Variants in LIPI observed in about 807,000 individuals in gnomAD.
The protein encoded by LIPI is lipase member I.
In LIPI, 59 loss-of-function variants were observed where a neutral mutation model predicts 50.6. That is an observed-to-expected ratio of 1.16 (90% CI 0.94 to 1.45). LIPI has a LOEUF of 1.45. LIPI is among the 40% of genes most tolerant of loss of function. The probability of loss-of-function intolerance (pLI) is 0.00; values close to 1 mark genes in which losing one functional copy is unlikely to be tolerated. For synonymous variants in LIPI, 203 were observed against 178.2 expected (o/e 1.14, Z -1.11); for missense variants, 586 against 536.3 (o/e 1.09, Z -0.92).
rs188533097 is a variant in LIPI at position 14,162,128 on chromosome 21, A to C, written c.1006+1291T>G. On this transcript the variant is annotated intron_variant, in intron 7 of 9. Transcript: ENST00000681601. The stretch of plus-strand genomic sequence containing the variant: ...ATATCATATCTCTGGATATATTACT[A>C]TGGAATACTACTCAGCCACTAAAAG... Among the ~76,000 whole-genome samples the C allele has an allele frequency of 2.2e-3, 326 of 150,742 alleles. 1 individual carries two copies. The highest frequency in any genetic ancestry group is 6.8e-3 in the Middle Eastern group (2 of 292).
At chr21:14,170,985 T>A (rs2018880207) in intron 4 of LIPI, among the ~76,000 whole-genome samples, 1 of 151,402 alleles carries the variant, frequency 6.6e-6, no homozygotes, top group Non-Finnish European at 1.5e-5. Context: ...CAGCCCAAAA[T>A]CTCCTTAAGC....
intron 9 of LIPI, among the ~76,000 whole-genome samples, chr21:14,143,234 A>G (rs1313471547): frequency 6.6e-6 from 1 of 152,158 alleles, no homozygotes; most frequent in African/African-American, 2.4e-5. Context: ...CCTTCAAGGC[A>G]TGATCCCTCC....
At chr21:14,143,687 C>G (rs2017796088) in intron 9 of LIPI, 1 of 152,084 alleles carries the variant, frequency 6.6e-6, no homozygotes, top group Non-Finnish European at 1.5e-5. Context: ...GTTTGGACAA[C>G]TCACACATGC....
chr21:14,142,292 T>G (rs888650604), intron 9 of LIPI, among the ~76,000 whole-genome samples: 2 of 151,674 alleles, frequency 1.3e-5, no homozygotes, highest in Admixed American at 6.6e-5. Flanking sequence ...TGCACATGTA[T>G]CCCAAAACTT....
chr21:14,202,083 T>C (rs2020074531), intron 1 of LIPI, among the ~76,000 whole-genome samples: 2 of 152,138 alleles, frequency 1.3e-5, no homozygotes, highest in Admixed American at 1.3e-4. Flanking sequence ...CCATTCACAA[T>C]TGCTTCAAAG....
At chr21:14,153,847 C>A (rs1240641252) in intron 7 of LIPI, among the ~76,000 whole-genome samples, 1 of 152,146 alleles carries the variant, frequency 6.6e-6, no homozygotes, top group Non-Finnish European at 1.5e-5. Context: ...TTTTTTCAGT[C>A]TGGGTCTTAC....
chr21:14,124,739 G>T (rs982018284), intron 9 of LIPI, among the ~76,000 whole-genome samples: 1 of 152,192 alleles, frequency 6.6e-6, no homozygotes, highest in Admixed American at 6.5e-5. Context: ...ACTAAGCCAG[G>T]TGATCATCTT....
At chr21:14,140,263 T>C (rs991475731) in intron 9 of LIPI, among the ~76,000 whole-genome samples, 1 of 152,126 alleles carries the variant, frequency 6.6e-6, no homozygotes, top group African/African-American at 2.4e-5. Context: ...ACAAAGAGAT[T>C]TCATGATTGG....
chr21:14,135,364 AG>A (rs2017453530), intron 9 of LIPI, among the ~76,000 whole-genome samples: 4 of 152,216 alleles, frequency 2.6e-5, no homozygotes, highest in African/African-American at 9.6e-5. Context: ...GAGCACTCAT[AG>A]TACCTAGTTT....
At chr21:14,194,623 G>T (rs1298762990) in intron 1 of LIPI, among the ~76,000 whole-genome samples, 4 of 147,188 alleles carry the variant, frequency 2.7e-5, no homozygotes, top group African/African-American at 9.7e-5. Context: ...AAGTAGGATT[G>T]TGGTTGCCCT....
At chr21:14,115,218 C>T (rs11701819) in intron 9 of LIPI, among the ~76,000 whole-genome samples, 27,030 of 152,108 alleles carry the variant, frequency 0.18, 3,127 homozygotes, top group Non-Finnish European at 0.25. Context: ...TGAGGCTCAG[C>T]GAGTTCCTGC....
At chr21:14,121,954 C>T (rs1019483530) in intron 9 of LIPI, among the ~76,000 whole-genome samples, 3 of 152,188 alleles carry the variant, frequency 2.0e-5, no homozygotes, top group African/African-American at 7.2e-5. Context: ...GACTAGTCTA[C>T]GCATGGCTGA....
intron 4 of LIPI, among the ~76,000 whole-genome samples, chr21:14,174,985 T>C (rs1030053560): frequency 3.9e-5 from 6 of 152,204 alleles, no homozygotes; most frequent in African/African-American, 1.4e-4. Flanking sequence ...TATTAGTATG[T>C]TTGTGCTATC....
chr21:14,112,754 AG>A (rs1474077342), intron 9 of LIPI, among the ~76,000 whole-genome samples: 1 of 152,130 alleles, frequency 6.6e-6, no homozygotes, highest in Non-Finnish European at 1.5e-5. Flanking sequence ...TTTTCTCACC[AG>A]GCAATATATT....
intron 4 of LIPI, among the ~76,000 whole-genome samples, chr21:14,168,140 GAAGC>G (rs1188367407): frequency 6.6e-6 from 1 of 152,104 alleles, no homozygotes; most frequent in Non-Finnish European, 1.5e-5. Context: ...ATGAATGAAT[GAAGC>G]AAGAAGGGAA....
At chr21:14,169,304 C>T (rs2018807654) in intron 4 of LIPI, among the ~76,000 whole-genome samples, 1 of 151,898 alleles carries the variant, frequency 6.6e-6, no homozygotes. Flanking sequence ...GACAGATCAA[C>T]GAGACAGAAA....
chr21:14,160,609 C>A (rs1254483249), intron 7 of LIPI, among the ~76,000 whole-genome samples: 3 of 151,184 alleles, frequency 2.0e-5, no homozygotes, highest in Non-Finnish European at 4.4e-5. Flanking sequence ...AGACTTGACA[C>A]CTAAAGCGTG....
At chr21:14,141,068 T>A (rs912824355) in intron 9 of LIPI, among the ~76,000 whole-genome samples, 12 of 152,178 alleles carry the variant, frequency 7.9e-5, no homozygotes, top group African/African-American at 2.9e-4. Context: ...TTTATAAGAA[T>A]GGGTCTAAAT....
chr21:14,176,039 C>G (rs995819362), intron 4 of LIPI, among the ~76,000 whole-genome samples: 2 of 151,730 alleles, frequency 1.3e-5, no homozygotes, highest in African/African-American at 2.4e-5. Context: ...TTAGCCGGGC[C>G]TGGTGGTGGG....
Sources: gnomAD v4.1 joint callset for allele counts (sites outside exome capture counted in the v4.1 genomes callset) on GRCh38, gnomAD v4.1.1 for gene constraint, MANE v1.5 for transcripts, NCBI Gene and HGNC (gene_info 2026-07-23, HGNC 2026-07-21) for gene names.